PTDSS2: variants seen among roughly 807,000 people sequenced by gnomAD.
PTDSS2 encodes phosphatidylserine synthase 2.
Under a neutral mutation model 64.7 loss-of-function variants are expected in PTDSS2, and 41 were observed. That is an observed-to-expected ratio of 0.63 (90% CI 0.49 to 0.82). The LOEUF is 0.82. Among genes scored for constraint, PTDSS2 ranks in the 40% least tolerant of loss-of-function variants. PTDSS2 has a pLI of 0.00. For missense variants in PTDSS2, 485 were observed against 650.0 expected, an observed-to-expected ratio of 0.75 and a Z score of 2.76; for synonymous variants, 297 against 277.8, an observed-to-expected ratio of 1.07 and a Z score of -0.69.
rs1159063058 is a variant in PTDSS2, at chr11:460,651, G to A, written c.284+363G>A. The A allele has an allele frequency of 1.0e-4, 21 of 210,244 alleles. No individual in the cohort carries two copies. Among genetic ancestry groups the A allele is most frequent in the Admixed American group, 6.9e-4 (13 of 18,888 alleles). 13.0% of individuals were successfully genotyped at this position (210,244 alleles called of 1,614,324 possible). ...GCGTCTCCGGGGGTGAGGTTCCTGC[G>A]GTGGCCGCGTGCTGGTTCCGTTAGC... On this transcript the variant is annotated intron_variant, in intron 2 of 11. Transcript: ENST00000308020. The surrounding 1 kb of genome is among the most constrained non-coding windows in gnomAD (Gnocchi z 5.8).
Position 490,972 on chromosome 11 carries a change from C to T in PTDSS2, c.*390C>T, listed in dbSNP as rs1002769731. ...CCTCCCCTTTCTGCCTGGTCAGCCC[C>T]GTGGCCTCTGGCCCACCAAGCTCCC... On this transcript the variant is annotated 3_prime_UTR_variant, in exon 12 of 12. Transcript: ENST00000308020. 5 of 215,734 alleles carry T rather than the reference C, an allele frequency of 2.3e-5. No homozygotes were observed. The highest frequency in any genetic ancestry group is 3.7e-5 in the Non-Finnish European group (4 of 107,728). 13.4% of individuals were successfully genotyped at this position (215,734 alleles called of 1,614,324 possible).
intron 3 of PTDSS2, among the ~76,000 whole-genome samples, chr11:474,913 A>G (rs1847662779): frequency 1.1e-5 from 1 of 91,508 alleles, no homozygotes; most frequent in South Asian, 3.2e-4. Flanking sequence ...ACGTTCGTGT[A>G]CGGACATATT....
At chr11:478,954 G>C in intron 3 of PTDSS2, 131 bp from the exon 4 acceptor site, 1 of 688,170 alleles carries the variant, frequency 1.5e-6, no homozygotes, top group Non-Finnish European at 2.6e-6. Flanking sequence ...CTTTATAAAG[G>C]CTCTCCCAGG....
At chr11:464,987 G>C (rs990750558) in intron 2 of PTDSS2, among the ~76,000 whole-genome samples, 11 of 152,122 alleles carry the variant, frequency 7.2e-5, no homozygotes, top group African/African-American at 2.7e-4. Flanking sequence ...ACCGAGCCCA[G>C]AAACAGGCGC....
chr11:482,111 G>C (rs1404981575), intron 4 of PTDSS2, among the ~76,000 whole-genome samples: 1 of 151,942 alleles, frequency 6.6e-6, no homozygotes, highest in Non-Finnish European at 1.5e-5. Flanking sequence ...CTCCCAAAGT[G>C]CTGGGATTAT....
chr11:455,793 C>G (rs1846561187), intron 1 of PTDSS2, among the ~76,000 whole-genome samples: 1 of 152,240 alleles, frequency 6.6e-6, no homozygotes, highest in Non-Finnish European at 1.5e-5. Context: ...ACTCCCATCC[C>G]TCTTTTGTTT....
intron 4 of PTDSS2, among the ~76,000 whole-genome samples, chr11:480,993 T>A (rs1848045485): frequency 6.7e-6 from 1 of 150,292 alleles, no homozygotes; most frequent in Admixed American, 6.7e-5. Context: ...CTGAGGCAAG[T>A]GAATGGCCTG....
chr11:469,720 C>T (rs1847331615), intron 2 of PTDSS2, among the ~76,000 whole-genome samples: 1 of 152,076 alleles, frequency 6.6e-6, no homozygotes, highest in Non-Finnish European at 1.5e-5. Flanking sequence ...GCAGTGAGCA[C>T]ACCCAGGCCC....
At chr11:488,091 CCG>C (rs1848483060) in intron 6 of PTDSS2, 106 bp from the exon 7 acceptor site, 1 of 763,350 alleles carries the variant, frequency 1.3e-6, no homozygotes, top group African/African-American at 1.8e-5. Flanking sequence ...CCGGGCGTGG[CCG>C]GCGTCCCATA....
At chr11:481,066 A>G (rs1053011743) in intron 4 of PTDSS2, among the ~76,000 whole-genome samples, 7 of 151,008 alleles carry the variant, frequency 4.6e-5, no homozygotes, top group African/African-American at 1.7e-4. Flanking sequence ...CCTGGGCAAC[A>G]GAGCGAGACT....
chr11:467,934 C>T (rs1362125917), intron 2 of PTDSS2, among the ~76,000 whole-genome samples: 2 of 152,104 alleles, frequency 1.3e-5, no homozygotes, highest in African/African-American at 4.8e-5. Context: ...CCCAGGAGTT[C>T]AAGACCAGCC....
intron 3 of PTDSS2, among the ~76,000 whole-genome samples, chr11:475,787 T>C (rs1186443385): frequency 6.6e-6 from 1 of 152,264 alleles, no homozygotes; most frequent in Non-Finnish European, 1.5e-5. Context: ...CATTAGAATG[T>C]ACTACATTTA....
intron 2 of PTDSS2, among the ~76,000 whole-genome samples, chr11:465,877 G>A (rs1200932180): frequency 6.6e-6 from 1 of 152,078 alleles, no homozygotes; most frequent in African/African-American, 2.4e-5. Context: ...AGGAGGTCTA[G>A]GCTGCAGTGA....
chr11:457,848 T>C (rs1402653855), intron 1 of PTDSS2, among the ~76,000 whole-genome samples: 1 of 152,238 alleles, frequency 6.6e-6, no homozygotes, highest in African/African-American at 2.4e-5. Flanking sequence ...GCCTCACTTT[T>C]CTGTGCCGTT....
chr11:457,243 C>T (rs752217255), intron 1 of PTDSS2, among the ~76,000 whole-genome samples: 21 of 152,350 alleles, frequency 1.4e-4, no homozygotes, highest in African/African-American at 4.1e-4. Flanking sequence ...GCAGCACCCA[C>T]GTGCAGGTGA....
rs115632973 is a variant in PTDSS2 at position 479,937 on chromosome 11, G to A, written c.435+785G>A. On this transcript the variant is annotated intron_variant, in intron 4 of 11. Transcript: ENST00000308020. The surrounding 1 kb of genome is among the most constrained non-coding windows in gnomAD (Gnocchi z 4.2). ...GTGCATGATGAGATTTTTTATCATC[G>A]TGGCAAAATTGACTTTTCTGAGGCA... 5.8e-3 allele frequency among the ~76,000 whole-genome samples: 886 copies of A among 152,188 alleles called. 12 individuals carry two copies. The highest frequency in any genetic ancestry group is 0.021 in the African/African-American group (852 of 41,520).
intron 1 of PTDSS2, among the ~76,000 whole-genome samples, chr11:455,999 T>C (rs946012590): frequency 4.6e-5 from 7 of 152,082 alleles, no homozygotes; most frequent in Admixed American, 3.9e-4. Flanking sequence ...ACAGTGTCAC[T>C]TACCGGCCCT....
chr11:480,916 A>G (rs1209353906), intron 4 of PTDSS2, among the ~76,000 whole-genome samples: 1 of 152,014 alleles, frequency 6.6e-6, no homozygotes, highest in African/African-American at 2.4e-5. Flanking sequence ...CCCCGTCTCT[A>G]CTGAAAAATA....
intron 1 of PTDSS2, among the ~76,000 whole-genome samples, chr11:456,098 A>G (rs1291090650): frequency 6.6e-6 from 1 of 151,846 alleles, no homozygotes; most frequent in African/African-American, 2.4e-5. Flanking sequence ...CCTGGCTGTC[A>G]TCACGTCGTT....
Sources: gnomAD v4.1 joint callset for allele counts (sites outside exome capture counted in the v4.1 genomes callset) on GRCh38, gnomAD v4.1.1 for gene constraint, Gnocchi (gnomAD v3.1) non-coding constraint, MANE v1.5 for transcripts, NCBI Gene and HGNC (gene_info 2026-07-23, HGNC 2026-07-21) for gene names.